Variants in KTI12 observed in about 807,000 individuals in gnomAD.
The protein encoded by KTI12 is protein KTI12 homolog.
In KTI12, 8 loss-of-function variants were observed where a neutral mutation model predicts 8.8. That is an observed-to-expected ratio of 0.91 (90% CI 0.53 to 1.64). The LOEUF (loss-of-function observed/expected upper bound fraction) is 1.64. Among genes scored for constraint, KTI12 ranks in the 40% most tolerant of loss-of-function variants. The probability of loss-of-function intolerance (pLI) is 0.00; values close to 1 mark genes in which losing one functional copy is unlikely to be tolerated. For missense variants in KTI12, 490 were observed against 492.1 expected, an observed-to-expected ratio of 1.00 and a Z score of 0.04; for synonymous variants, 216 against 220.1, an observed-to-expected ratio of 0.98 and a Z score of 0.17.
rs918944285 is a variant in KTI12, at chr1:52,032,500, C to T, written c.*197G>A. 2.2e-5 allele frequency: 30 copies of T among 1,349,042 alleles called. No individual in the cohort carries two copies. In the African/African-American group the frequency reaches 3.2e-4, roughly 14 times the overall value. The allele number at this position is 1,349,042 out of a possible 1,614,324, so 83.6% of individuals were successfully genotyped here. On this transcript the variant is annotated 3_prime_UTR_variant, in exon 1 of 1. Transcript: ENST00000371614. ...GCCAGGTTGCACCACAATAGTTCTC[C>T]ATTCTCTTTAGTCTGAACTTATGCT... is the stretch of plus-strand genomic sequence containing the variant.
At position 52,033,766 on chromosome 1, in the gene KTI12, T is replaced by C. The variant is rs545749270; in HGVS notation, c.-5A>G. Reference sequence around the variant, plus strand: ...GCAAAACACCACGAGCGGCATCCTCTCAGGGAGCGACCATTGGCAACCGCG... The same window carrying C: ...GCAAAACACCACGAGCGGCATCCTCCCAGGGAGCGACCATTGGCAACCGCG... On this transcript the variant is annotated 5_prime_UTR_variant, in exon 1 of 1. An upstream open reading frame in the 5' UTR loses its in-frame stop. Transcript: ENST00000371614. 374 of 1,575,082 alleles carry C rather than the reference T, an allele frequency of 2.4e-4. 1 individual carries two copies. Among genetic ancestry groups the C allele is most frequent in the African/African-American group, 8.5e-4 (63 of 74,242 alleles).
chr1:52,032,724 A>G lies in KTI12; in HGVS notation c.1038T>C (p.Leu346=), dbSNP rs779679003. ...AGTGCAGGCTCTGGCTCAAATACTG[A>G]AGAAACATGTTGGCCAGTTGCGGCA... ...ENLPQLANMF[L]QYLSQSLH The change falls in exon 1 of 1, where the codon CTT becomes CTC. Residue 346 remains leucine, a synonymous_variant. Coordinates refer to ENST00000371614, the MANE Select transcript of KTI12 (RefSeq NM_138417.3). The G allele has an allele frequency of 1.2e-6, 2 of 1,610,416 alleles. No homozygotes were observed. The highest frequency in any genetic ancestry group is 1.7e-6 in the Non-Finnish European group (2 of 1,177,238).
At position 52,033,779 on chromosome 1, in the gene KTI12, A is replaced by T. The variant is rs746144140; in HGVS notation, c.-18T>A. ...AGCGGCATCCTCTCAGGGAGCGACC[A>T]TTGGCAACCGCGCTGCGCCAACTTC... On this transcript the variant is annotated 5_prime_UTR_variant, in exon 1 of 1. It removes an upstream start codon present in the reference 5' UTR. Transcript: ENST00000371614. 6.4e-7 allele frequency: 1 copy of T among 1,555,424 alleles called. No individual in the cohort carries two copies. The highest frequency in any genetic ancestry group is 2.3e-5 in the East Asian group (1 of 43,844).
Position 52,033,219 on chromosome 1 carries a change from A to T in KTI12, c.543T>A (p.Ala181=). 6.2e-7 allele frequency: 1 copy of T among 1,614,182 alleles called. No homozygotes were observed. The highest frequency in any genetic ancestry group is 2.2e-5 in the East Asian group (1 of 44,878). The change falls in exon 1 of 1, where the codon GCT becomes GCA. Residue 181 remains alanine, a synonymous_variant. Transcript: ENST00000371614. ...GAGTCACAAGAGCTGGAGACTCCGCAGCCCCGGATTCTTCTCGCTCCAGTT... is the reference window on the plus strand; with the variant it reads ...GAGTCACAAGAGCTGGAGACTCCGCTGCCCCGGATTCTTCTCGCTCCAGTT... ...PKELEREESG[A]AESPALVTPD...
Position 52,032,682 on chromosome 1 carries a change from C to G in KTI12, c.*15G>C, listed in dbSNP as rs1685786489. 6.4e-7 allele frequency: 1 copy of G among 1,570,308 alleles called. No individual in the cohort carries two copies. Among genetic ancestry groups the G allele is most frequent in the Admixed American group, 1.9e-5 (1 of 52,578 alleles). ...TGGAGATCAGAAGCCATGGCTTCCC[C>G]CCTACCTCCTCTGGTCAGTGCAGGC... On this transcript the variant is annotated 3_prime_UTR_variant, in exon 1 of 1. Coordinates refer to ENST00000371614, the MANE Select transcript of KTI12 (RefSeq NM_138417.3).
chr1:52,033,177 A>C lies in KTI12; in HGVS notation c.585T>G (p.Ser195=). The C allele has an allele frequency of 6.2e-7, 1 of 1,614,242 alleles. No homozygotes were observed. Among genetic ancestry groups the C allele is most frequent in the Non-Finnish European group, 8.5e-7 (1 of 1,180,048 alleles). The change falls in exon 1 of 1, where the codon TCT becomes TCG. Residue 195 remains serine, a synonymous_variant. Transcript: ENST00000371614. The part of the protein sequence containing the change: ...PALVTPDSEK[S]AKHGSGAFYS... ...AAAAGGCACCGGACCCATGCTTTGC[A>C]GATTTCTCTGAATCCGGAGTCACAA...
Position 52,033,570 on chromosome 1 carries a change from G to A in KTI12, c.192C>T (p.Ala64=). 1 of 1,613,754 alleles carries A rather than the reference G, an allele frequency of 6.2e-7. No homozygotes were observed. Among genetic ancestry groups the A allele is most frequent in the Non-Finnish European group, 8.5e-7 (1 of 1,179,944 alleles). The change falls in exon 1 of 1, where the codon GCC becomes GCT. Residue 64 remains alanine, a synonymous_variant. Transcript: ENST00000371614. ...GGCGACTCAGGCGCCGTTCCACGGAGGCTCGCAGAGCTCCACGCAATGCCT... is the reference window on the plus strand; with the variant it reads ...GGCGACTCAGGCGCCGTTCCACGGAAGCTCGCAGAGCTCCACGCAATGCCT... ...REKALRGALR[A]SVERRLSRHD...
chr1:52,033,773 G>A lies in KTI12; in HGVS notation c.-12C>T, dbSNP rs1157439441. 2 of 1,562,302 alleles carry A rather than the reference G, an allele frequency of 1.3e-6. No individual in the cohort carries two copies. Among genetic ancestry groups the A allele is most frequent in the African/African-American group, 1.4e-5 (1 of 73,862 alleles). On this transcript the variant is annotated 5_prime_UTR_variant, in exon 1 of 1. Transcript: ENST00000371614. ...ACCACGAGCGGCATCCTCTCAGGGA[G>A]CGACCATTGGCAACCGCGCTGCGCC...
At position 52,032,918 on chromosome 1, in the gene KTI12, G is replaced by C. The variant is rs145860172; in HGVS notation, c.844C>G (p.Leu282Val). Reference protein sequence around the residue: ...HQLDQVTSQVLAGLMEAQKSA... With the variant: ...HQLDQVTSQVVAGLMEAQKSA... ...TTCTGCGCTTCCATCAATCCGGCCA[G>C]TACTTGACTCGTGACCTGGTCCAAC... The change falls in exon 1 of 1, where the codon CTG becomes GTG. Residue 282 changes from leucine to valine, a missense_variant. Transcript: ENST00000371614. 74 of 1,610,248 alleles carry C rather than the reference G, an allele frequency of 4.6e-5. No individual in the cohort carries two copies. The African/African-American group carries it at 7.8e-4, about 17-fold the overall frequency.
rs749227874 is a variant in KTI12, at chr1:52,033,466, C to T, written c.296G>A (p.Arg99His). 2.2e-5 allele frequency: 35 copies of T among 1,613,058 alleles called. No individual in the cohort carries two copies. In the Admixed American group the frequency reaches 5.3e-4, roughly 25 times the overall value. ...YELYCLARAA[R>H]TPLCLVYCVR... ...GCAGTAGACCAGGCAGAGCGGGGTG[C>T]GCGCCGCCCGTGCCAGGCAGTAGAG... The change falls in exon 1 of 1, where the codon CGC becomes CAC. Residue 99 changes from arginine to histidine, a missense_variant. Transcript: ENST00000371614.
chr1:52,032,911 C>T lies in KTI12; in HGVS notation c.851G>A (p.Gly284Glu), dbSNP rs752499921. The T allele has an allele frequency of 8.7e-6, 14 of 1,611,200 alleles. No individual in the cohort carries two copies. The East Asian group carries it at 2.9e-4, about 33-fold the overall frequency. ...LDQVTSQVLA[G>E]LMEAQKSAVP... ...AGCGCTCTTCTGCGCTTCCATCAAT[C>T]CGGCCAGTACTTGACTCGTGACCTG... The change falls in exon 1 of 1, where the codon GGA becomes GAA. Residue 284 changes from glycine (G) to glutamate (E), a missense_variant. Coordinates refer to ENST00000371614, the MANE Select transcript of KTI12 (RefSeq NM_138417.3).
chr1:52,032,248 C>G lies in KTI12; in HGVS notation c.*449G>C, dbSNP rs765906736. 1.0e-6 allele frequency: 1 copy of G among 988,122 alleles called. No homozygotes were observed. The allele number at this position is 988,122 out of a possible 1,614,324, so 61.2% of individuals were successfully genotyped here. On this transcript the variant is annotated 3_prime_UTR_variant, in exon 1 of 1. Coordinates refer to ENST00000371614, the MANE Select transcript of KTI12 (RefSeq NM_138417.3). Reference sequence around the variant, plus strand: ...AATAGAAACTAGCAAAAAGTCAGTACAGTACTCAAAAAATACTTTTGTGGT... The same window carrying G: ...AATAGAAACTAGCAAAAAGTCAGTAGAGTACTCAAAAAATACTTTTGTGGT...
At position 52,033,061 on chromosome 1, in the gene KTI12, C is replaced by T. The variant is rs138411665; in HGVS notation, c.701G>A (p.Gly234Asp). The T allele has an allele frequency of 7.2e-4, 1,156 of 1,596,648 alleles. 5 individuals carry two copies. The African/African-American group carries it at 0.014, about 19-fold the overall frequency. Residue 234 changes from glycine to aspartate, a missense_variant, in exon 1 of 1, where the codon GGC becomes GAC. Coordinates refer to ENST00000371614, the MANE Select transcript of KTI12 (RefSeq NM_138417.3). The part of the protein sequence containing the change: ...RWDRPLFTLV[G>D]LEEPLPLAGI... ...CGCCAGGGGCAACGGCTCCTCTAGGCCCACCAAAGTGAATAAAGGCCGGTC... is the reference window on the plus strand; with the variant it reads ...CGCCAGGGGCAACGGCTCCTCTAGGTCCACCAAAGTGAATAAAGGCCGGTC...
chr1:52,033,340 T>C lies in KTI12; in HGVS notation c.422A>G (p.Asp141Gly). 1 of 1,613,766 alleles carries C rather than the reference T, an allele frequency of 6.2e-7. No individual in the cohort carries two copies. Among genetic ancestry groups the C allele is most frequent in the Non-Finnish European group, 8.5e-7 (1 of 1,179,988 alleles). The change falls in exon 1 of 1, where the codon GAC becomes GGC. Residue 141 changes from aspartate (D) to glycine (G), a missense_variant. Coordinates refer to ENST00000371614, the MANE Select transcript of KTI12 (RefSeq NM_138417.3). ...GCTGCCCGCCGCCTGGGCTCTCCCG[T>C]CCTCCTCAGCGCGTGGCCGCCAACT... ...SVSWRPRAEE[D>G]GRAQAAGSSV...
rs150631142 is a variant in KTI12, at chr1:52,033,144, G to A, written c.618C>T (p.Pro206=). Residue 206 remains proline, a synonymous_variant, in exon 1 of 1, where the codon CCC becomes CCT. Coordinates refer to ENST00000371614, the MANE Select transcript of KTI12 (RefSeq NM_138417.3). ...AKHGSGAFYS[P]ELLEALTLRF... is the part of the protein sequence containing the mutation. ...GCAGCGTTAGGGCCTCCAGGAGTTC[G>A]GGAGAGTAAAAGGCACCGGACCCAT... 6.2e-6 allele frequency: 10 copies of A among 1,614,192 alleles called. No individual in the cohort carries two copies. The South Asian group carries it at 9.9e-5, about 16-fold the overall frequency.
Position 52,033,042 on chromosome 1 carries a change from G to A in KTI12, c.720C>T (p.Pro240=). ...FTLVGLEEPL[P]LAGIRSALFE... ...ACAGGGCAGAGCGGATCCCCGCCAG[G>A]GGCAACGGCTCCTCTAGGCCCACCA... Residue 240 remains proline (P), a synonymous_variant, in exon 1 of 1, where the codon CCC becomes CCT. Transcript: ENST00000371614. The A allele has an allele frequency of 6.3e-7, 1 of 1,578,770 alleles. No individual in the cohort carries two copies. Among genetic ancestry groups the A allele is most frequent in the Non-Finnish European group, 8.6e-7 (1 of 1,165,524 alleles).
rs777011809 is a variant in KTI12, at chr1:52,032,867, T to G, written c.895A>C (p.Thr299Pro). Residue 299 changes from threonine to proline, a missense_variant, in exon 1 of 1, where the codon ACG becomes CCG. Physicochemically the swap from Thr to Pro is conservative, Grantham distance 38. Transcript: ENST00000371614. ...AAGTGCTCTGTGGTACCAGGAAGCG[T>G]GAGCAAGTCCCCGGGGACAGCGCTC... ...QKSAVPGDLL[T>P]LPGTTEHLRF... 1.1e-5 allele frequency: 17 copies of G among 1,614,158 alleles called. No individual in the cohort carries two copies. Among genetic ancestry groups the G allele is most frequent in the Non-Finnish European group, 1.4e-5 (16 of 1,180,018 alleles).
rs1053137383 is a variant in KTI12, at chr1:52,032,518, C to T, written c.*179G>A. On this transcript the variant is annotated 3_prime_UTR_variant, in exon 1 of 1. Coordinates refer to ENST00000371614, the MANE Select transcript of KTI12 (RefSeq NM_138417.3). ...AGTTCTCCATTCTCTTTAGTCTGAACTTATGCTGTAAACCCAAGGCCTGGC... is the reference window on the plus strand; with the variant it reads ...AGTTCTCCATTCTCTTTAGTCTGAATTTATGCTGTAAACCCAAGGCCTGGC... The T allele has an allele frequency of 9.4e-6, 13 of 1,378,606 alleles. No homozygotes were observed. Among genetic ancestry groups the T allele is most frequent in the African/African-American group, 1.5e-5 (1 of 68,670 alleles). 85.4% of individuals were successfully genotyped at this position (1,378,606 alleles called of 1,614,324 possible). A position where few individuals can be genotyped will look rare whatever the true frequency, so the allele number is the denominator to read the frequency against.
Position 52,033,748 on chromosome 1 carries a change from A to G in KTI12, c.14T>C (p.Val5Ala), listed in dbSNP as rs1685828110. MPLV[V>A]FCGLPYSGKS... ...GCCGCTGTACGGCAGCCCGCAAAAC[A>G]CCACGAGCGGCATCCTCTCAGGGAG... Residue 5 changes from valine (V) to alanine (A), a missense_variant, in exon 1 of 1, where the codon GTG (valine) becomes GCG (alanine). Transcript: ENST00000371614. The G allele has an allele frequency of 6.3e-7, 1 of 1,599,552 alleles. No individual in the cohort carries two copies. Among genetic ancestry groups the G allele is most frequent in the Non-Finnish European group, 8.5e-7 (1 of 1,172,224 alleles).
Sources: allele counts gnomAD v4.1 joint callset, GRCh38; gene constraint gnomAD v4.1.1; transcripts MANE v1.5; gene names NCBI Gene and HGNC (gene_info 2026-07-23, HGNC 2026-07-21).